Variants in TEX14 observed in about 807,000 individuals in gnomAD.
TEX14 encodes the protein testis expressed 14, intercellular bridge forming factor, also known as inactive serine/threonine-protein kinase TEX14.
In TEX14, 168 loss-of-function variants were observed where a neutral mutation model predicts 178.6. That is an observed-to-expected ratio of 0.94 (90% CI 0.83 to 1.07). The LOEUF (loss-of-function observed/expected upper bound fraction) is 1.07, where lower values mean the gene tolerates loss of function less well. TEX14 is among the 50% of genes least tolerant of loss of function. TEX14 has a pLI of 0.00. For synonymous variants in TEX14, 626 were observed against 634.1 expected (o/e 0.99, Z 0.19); for missense variants, 1,730 against 1,753.6 (o/e 0.99, Z 0.24).
At chr17:58,685,087 T>G (rs2047568352) in intron 1 of TEX14, among the ~76,000 whole-genome samples, 1 of 152,184 alleles carries the variant, frequency 6.6e-6, no homozygotes, top group African/African-American at 2.4e-5. Flanking sequence ...AAAAATCCAT[T>G]TATAATTTTG....
At chr17:58,570,823 G>T (rs939681915) in intron 24 of TEX14, among the ~76,000 whole-genome samples, 3 of 151,846 alleles carry the variant, frequency 2.0e-5, no homozygotes, top group Non-Finnish European at 2.9e-5. Context: ...TAGAGACGGG[G>T]TTTCATCATG....
intron 23 of TEX14, among the ~76,000 whole-genome samples, chr17:58,572,369 G>A (rs563794152): frequency 1.4e-4 from 22 of 152,244 alleles, no homozygotes; most frequent in Admixed American, 9.8e-4. Context: ...GGTGGCTCAC[G>A]CCTGTAATCC....
At chr17:58,623,901 C>T (rs147040309) in intron 3 of TEX14, among the ~76,000 whole-genome samples, 1 of 152,208 alleles carries the variant, frequency 6.6e-6, no homozygotes, top group East Asian at 1.9e-4. Flanking sequence ...CAACTCCAGA[C>T]ACCCAGTTCT....
chr17:58,686,969 G>A (rs1490702764), intron 1 of TEX14, among the ~76,000 whole-genome samples: 1 of 139,610 alleles, frequency 7.2e-6, no homozygotes, highest in African/African-American at 2.7e-5. Flanking sequence ...CATCTTTGGG[G>A]TTCAGGAGAT....
rs2144445730 is a variant in TEX14, at chr17:58,593,643, G to A, written c.2488C>T (p.Pro830Ser). The change falls in exon 15 of 32, where the codon CCT (proline) becomes TCT (serine). Residue 830 changes from proline (P) to serine (S), a missense_variant. Pro to Ser is a moderately conservative substitution (Grantham distance 74). This residue lies in a region of TEX14 where 941 missense variants were observed against 1,072.4 expected (regional missense o/e 0.88). Transcript: ENST00000349033. ...FPRMLPTLCD[P>S]GKQNTDEQFQ... ...TGTTCATCTGTGTTCTGTTTTCCAG[G>A]GTCACAAAGAGTCGGCAGCTTAAAA... 2 of 1,613,928 alleles carry A rather than the reference G, an allele frequency of 1.2e-6. No individual in the cohort carries two copies. The highest frequency in any genetic ancestry group is 4.5e-5 in the East Asian group (2 of 44,880).
At chr17:58,671,562 C>A (rs2143478302) in intron 1 of TEX14, among the ~76,000 whole-genome samples, 1 of 152,218 alleles carries the variant, frequency 6.6e-6, no homozygotes, top group African/African-American at 2.4e-5. Flanking sequence ...CCAGCTCAGG[C>A]CCCAAGCTTT....
Position 58,585,961 on chromosome 17 carries a change from C to A in TEX14, c.2910G>T (p.Gln970His). ...EAENEPDALL[Q>H]PPIRSPENTD... ...TGTTTTCTGGGCTCCTAATGGGGGG[C>A]TGCAGCAGGGCGTCGGGCTCATTTT... The change falls in exon 18 of 32, where the codon CAG (glutamine) becomes CAT (histidine). Residue 970 changes from glutamine to histidine, a missense_variant. Around this residue, in one of 2 missense-constraint regions of TEX14, gnomAD observed 941 missense variants for 1,072.4 expected, o/e 0.88. Transcript: ENST00000349033. 1 of 1,614,042 alleles carries A rather than the reference C, an allele frequency of 6.2e-7. No individual in the cohort carries two copies. Among genetic ancestry groups the A allele is most frequent in the Non-Finnish European group, 8.5e-7 (1 of 1,180,014 alleles).
chr17:58,690,867 G>A (rs2047695782), intron 1 of TEX14, among the ~76,000 whole-genome samples: 1 of 152,148 alleles, frequency 6.6e-6, no homozygotes, highest in African/African-American at 2.4e-5. Flanking sequence ...AAACTGTGCT[G>A]AGGTGTTTTG....
intron 6 of TEX14, 32 bp downstream of exon 6, chr17:58,617,505 TG>T: frequency 1.3e-6 from 2 of 1,553,402 alleles, no homozygotes; most frequent in African/African-American, 2.7e-5. Flanking sequence ...CAGTTAGTCC[TG>T]CAAACACTGG....
At chr17:58,664,785 A>G (rs1454003312) in intron 1 of TEX14, among the ~76,000 whole-genome samples, 1 of 152,238 alleles carries the variant, frequency 6.6e-6, no homozygotes, top group African/African-American at 2.4e-5. Flanking sequence ...TGAATATATT[A>G]TTATATATGA....
intron 14 of TEX14, among the ~76,000 whole-genome samples, chr17:58,597,610 A>G (rs1351686887): frequency 2.0e-5 from 3 of 152,228 alleles, no homozygotes; most frequent in Admixed American, 6.5e-5. Context: ...CAGGAAGTTT[A>G]TATCACTGGG....
At chr17:58,613,886 T>C (rs900327262) in intron 8 of TEX14, among the ~76,000 whole-genome samples, 2 of 152,070 alleles carry the variant, frequency 1.3e-5, no homozygotes, top group Non-Finnish European at 2.9e-5. Context: ...AGGCTGGTCT[T>C]GAATTCCTGA....
In TEX14 at chr17:58,561,554, C is replaced by A. The variant is rs367928638; in HGVS notation, c.4123G>T (p.Val1375Leu). 6.2e-7 allele frequency: 1 copy of A among 1,613,936 alleles called. No individual in the cohort carries two copies. The change falls in exon 29 of 32, where the codon GTG becomes TTG. Residue 1375 changes from valine to leucine, a missense_variant. By Grantham distance (32) the Val-to-Leu change is conservative. Around this residue, in one of 2 missense-constraint regions of TEX14, gnomAD observed 941 missense variants for 1,072.4 expected, o/e 0.88. Coordinates refer to ENST00000349033, the MANE Select transcript of TEX14 (RefSeq NM_031272.5). Reference sequence around the variant, plus strand: ...CCCTTGGGAAGGTCTTGTAGCTCCACGCTCTCCTCAGGTGGCTGCAGCCAT... The same window carrying A: ...CCCTTGGGAAGGTCTTGTAGCTCCAAGCTCTCCTCAGGTGGCTGCAGCCAT... ...ERWLQPPEES[V>L]ELQDLPKGSE... is the part of the protein sequence containing the mutation.
rs551133269 is a variant in TEX14 at position 58,659,323 on chromosome 17, T to C, written c.-1-7321A>G. On this transcript the variant is annotated intron_variant, in intron 1 of 31. Transcript: ENST00000349033. Reference sequence around the variant, plus strand: ...AAAGACATTATTTACTTAATATTGCTAATACCTTACCATCGTCCTCAACAC... The same window carrying C: ...AAAGACATTATTTACTTAATATTGCCAATACCTTACCATCGTCCTCAACAC... 6.1e-6 allele frequency: 6 copies of C among 982,286 alleles called. No homozygotes were observed. The Admixed American group carries it at 1.8e-4, about 30-fold the overall frequency. 60.8% of individuals were successfully genotyped at this position (982,286 alleles called of 1,614,324 possible).
At chr17:58,635,277 A>T (rs1278797758) in intron 2 of TEX14, among the ~76,000 whole-genome samples, 1 of 152,212 alleles carries the variant, frequency 6.6e-6, no homozygotes, top group Non-Finnish European at 1.5e-5. Flanking sequence ...CAAACTATTT[A>T]TAGTTATTGA....
intron 1 of TEX14, among the ~76,000 whole-genome samples, chr17:58,683,548 AG>A (rs2047538140): frequency 7.2e-6 from 1 of 139,216 alleles, no homozygotes. Flanking sequence ...GGATAACCTG[AG>A]GTCAGGAGTT....
At chr17:58,672,011 G>A (rs538003419) in intron 1 of TEX14, among the ~76,000 whole-genome samples, 64 of 152,148 alleles carry the variant, frequency 4.2e-4, no homozygotes, top group African/African-American at 1.4e-3. Flanking sequence ...ATTTCTCCAC[G>A]GATAACAGGG....
intron 1 of TEX14, chr17:58,660,598 G>A: frequency 1.3e-6 from 1 of 797,098 alleles, no homozygotes. Flanking sequence ...TCTGTCGGTT[G>A]CCGTAGCCCC....
chr17:58,658,617 C>T (rs1567762783), intron 1 of TEX14, among the ~76,000 whole-genome samples: 3 of 151,980 alleles, frequency 2.0e-5, no homozygotes, highest in Admixed American at 1.3e-4. Flanking sequence ...TCTCAAACTC[C>T]TGACTTCAAG....
Sources: gnomAD v4.1 joint callset for allele counts (sites outside exome capture counted in the v4.1 genomes callset) on GRCh38, gnomAD v4.1.1 for gene constraint, gnomAD v4.1.1 regional missense constraint, MANE v1.5 for transcripts, NCBI Gene and HGNC (gene_info 2026-07-23, HGNC 2026-07-21) for gene names.